FAT1: variants seen among roughly 807,000 people sequenced by gnomAD.
FAT1 encodes the protein FAT atypical cadherin 1, also known as protocadherin Fat 1.
FAT1 carries 171 observed loss-of-function variants against 329.8 expected under a neutral mutation model. The observed-to-expected ratio is 0.52, with a 90% CI of 0.46 to 0.59. The LOEUF (loss-of-function observed/expected upper bound fraction) is 0.59. Ranked by LOEUF, FAT1 falls within the 20% of genes least tolerant of loss-of-function variation. The pLI, the probability that FAT1 is intolerant of heterozygous loss-of-function variation, is 0.00. For synonymous variants in FAT1, 2,233 were observed against 2,228.6 expected (o/e 1.00, Z -0.06); for missense variants, 5,672 against 5,774.4 (o/e 0.98, Z 0.57).
At chr4:186,599,676 G>A (rs774022510) in intron 22 of FAT1, among the ~76,000 whole-genome samples, 2 of 152,222 alleles carry the variant, frequency 1.3e-5, no homozygotes, top group African/African-American at 2.4e-5. Context: ...CACTGCAGGC[G>A]CTCAGCAGTG....
At chr4:186,689,725 TAATTC>T (rs1743656602) in intron 2 of FAT1, among the ~76,000 whole-genome samples, 1 of 152,216 alleles carries the variant, frequency 6.6e-6, no homozygotes, top group South Asian at 2.1e-4. Context: ...CACACCAGGC[TAATTC>T]AACAGGCAGA....
At chr4:186,710,785 C>T (rs1449773972) in intron 1 of FAT1, among the ~76,000 whole-genome samples, 3 of 152,302 alleles carry the variant, frequency 2.0e-5, no homozygotes, top group African/African-American at 7.2e-5. Context: ...AGCTAACACA[C>T]GTCAAGGGTC....
intron 2 of FAT1, among the ~76,000 whole-genome samples, chr4:186,688,071 G>C (rs1743557871): frequency 6.7e-6 from 1 of 148,248 alleles, no homozygotes; most frequent in Admixed American, 6.7e-5. Context: ...TTTAATGAGG[G>C]GAGTTCGCTA....
chr4:186,667,940 C>T (rs1742532689), intron 2 of FAT1, among the ~76,000 whole-genome samples: 1 of 152,180 alleles, frequency 6.6e-6, no homozygotes, highest in South Asian at 2.1e-4. Flanking sequence ...TCAACAGCAA[C>T]ACTGTCGGAC....
At chr4:186,640,416 C>T (rs990682554) in intron 3 of FAT1, among the ~76,000 whole-genome samples, 5 of 152,212 alleles carry the variant, frequency 3.3e-5, no homozygotes, top group Admixed American at 3.3e-4. Flanking sequence ...ATGAAGTTAT[C>T]CAGGATTTCA....
chr4:186,692,699 C>T (rs1344720147), intron 2 of FAT1, among the ~76,000 whole-genome samples: 2 of 151,734 alleles, frequency 1.3e-5, no homozygotes, highest in Non-Finnish European at 1.5e-5. Context: ...CTCCTCATTT[C>T]GGTGTCTATT....
intron 3 of FAT1, among the ~76,000 whole-genome samples, chr4:186,642,283 C>G (rs1405203759): frequency 1.3e-5 from 2 of 152,106 alleles, no homozygotes; most frequent in Non-Finnish European, 2.9e-5. Flanking sequence ...GCTGCATTCT[C>G]CAAGTTCTAA....
At position 186,620,825 on chromosome 4, in the gene FAT1, C is replaced by T. The variant is rs374955281; in HGVS notation, c.5761G>A (p.Gly1921Ser). 1.2e-6 allele frequency: 2 copies of T among 1,613,906 alleles called. No homozygotes were observed. Among genetic ancestry groups the T allele is most frequent in the African/African-American group, 2.7e-5 (2 of 74,934 alleles). The stretch of plus-strand genomic sequence containing the variant: ...ATAGAAAACTTCTCCCCGATGTTGC[C>T]TTCGGTGATGGAGTAAATCAACTGT... ...FSQLIYSITEGNIGEKFSMDY... is the reference protein window; with the variant it reads ...FSQLIYSITESNIGEKFSMDY... Residue 1921 changes from glycine (G) to serine (S), a missense_variant, in exon 10 of 27, where the codon GGC becomes AGC. This residue lies in a region of FAT1 where 3,966 missense variants were observed against 3,915.2 expected (regional missense o/e 1.01). Transcript: ENST00000441802.
chr4:186,628,851 T>C (rs1406051443), intron 7 of FAT1, 88 bp from the exon 8 acceptor site: 4 of 1,304,066 alleles, frequency 3.1e-6, no homozygotes, highest in South Asian at 3.0e-5. Flanking sequence ...GTCATGTATA[T>C]TGAAACGATA....
At position 186,588,759 on chromosome 4, in the gene FAT1, TCTCGACAGCGGGCGC is replaced by T; in HGVS notation, c.13585_13599del (p.Ala4529_Glu4533del). ...GAGGCGTACACAGACATGGGCATGC[TCTCGACAGCGGGCGC>T]CTCGAAGTGTCTTTGATACCCTGGC... On this transcript the variant is annotated inframe_deletion, in exon 27 of 27. Transcript: ENST00000441802. The T allele has an allele frequency of 6.2e-7, 1 of 1,613,932 alleles. No individual in the cohort carries two copies. The highest frequency in any genetic ancestry group is 8.5e-7 in the Non-Finnish European group (1 of 1,179,886).
Position 186,628,214 on chromosome 4 carries a change from C to G in FAT1, c.4750G>C (p.Val1584Leu), listed in dbSNP as rs1369915407. ...CCTTTGTCCTTGTCCAGAGCCGTCA[C>G]CTGCAACACAACTGAGCCAACGGCT... ...SAAVGSVVLQ[V>L]TALDKDKGKN... Residue 1584 changes from valine to leucine, a missense_variant, in exon 9 of 27, where the codon GTG (valine) becomes CTG (leucine). This residue lies in a region of FAT1 where 3,966 missense variants were observed against 3,915.2 expected (regional missense o/e 1.01). Transcript: ENST00000441802. The G allele has an allele frequency of 6.2e-7, 1 of 1,613,966 alleles. No homozygotes were observed. The highest frequency in any genetic ancestry group is 8.5e-7 in the Non-Finnish European group (1 of 1,179,884).
chr4:186,618,208 A>G lies in FAT1; in HGVS notation c.8378T>C (p.Val2793Ala), dbSNP rs2126492405. The G allele has an allele frequency of 6.2e-7, 1 of 1,614,024 alleles. No homozygotes were observed. The highest frequency in any genetic ancestry group is 1.1e-5 in the South Asian group (1 of 91,080). ...TQDDHEMVASVDVSIQVKDAN... is the reference protein window; with the variant it reads ...TQDDHEMVASADVSIQVKDAN... ...ATCTTTCACTTGGATACTAACATCT[A>G]CAGAAGCCACCATCTCATGGTCATC... The change falls in exon 10 of 27, where the codon GTA (valine) becomes GCA (alanine). Residue 2793 changes from valine (V) to alanine (A), a missense_variant. By Grantham distance (64) the Val-to-Ala change is moderately conservative. Transcript: ENST00000441802.
chr4:186,646,198 T>C (rs10010232), intron 3 of FAT1, among the ~76,000 whole-genome samples: 52,304 of 151,712 alleles, frequency 0.34, 9,412 homozygotes, highest in Middle Eastern at 0.43. Flanking sequence ...GGAAATTTAC[T>C]TGGAACACTT....
intron 11 of FAT1, among the ~76,000 whole-genome samples, chr4:186,616,195 G>A (rs967569628): frequency 4.6e-5 from 7 of 151,956 alleles, no homozygotes; most frequent in Non-Finnish European, 5.9e-5. Flanking sequence ...TTAAGAACTC[G>A]TCTCATGTCA....
In FAT1 at chr4:186,618,874, T is replaced by A. The variant is rs773786270; in HGVS notation, c.7712A>T (p.Lys2571Met). ...EKVISVRLMA[K>M]DAGGKVAFCT... ...GAAAGCAACTTTTCCTCCAGCATCC[T>A]TAGCCATTAAACGGACTGAGATCAC... Residue 2571 changes from lysine (K) to methionine (M), a missense_variant, in exon 10 of 27, where the codon AAG becomes ATG. This residue lies in a region of FAT1 where 3,966 missense variants were observed against 3,915.2 expected (regional missense o/e 1.01). Transcript: ENST00000441802. 11 of 1,614,048 alleles carry A rather than the reference T, an allele frequency of 6.8e-6. No homozygotes were observed. In the South Asian group the frequency reaches 1.2e-4, roughly 18 times the overall value.
Position 186,588,122 on chromosome 4 carries a change from G to T in FAT1, c.*470C>A, listed in dbSNP as rs549082087. On this transcript the variant is annotated 3_prime_UTR_variant, in exon 27 of 27. Transcript: ENST00000441802. ...TGGAAAAAGACAGAATGAAACCCTG[G>T]TTATAGTAAAAAAAAAAAAATCAGG... The T allele has an allele frequency of 3.7e-5, 7 of 188,562 alleles. No homozygotes were observed. In the South Asian group the frequency reaches 1.1e-3, roughly 30 times the overall value. The allele number at this position is 188,562 out of a possible 1,614,324, so 11.7% of individuals were successfully genotyped here. A position where few individuals can be genotyped will look rare whatever the true frequency, so the allele number is the denominator to read the frequency against.
chr4:186,607,760 T>C (rs982937624), intron 16 of FAT1, among the ~76,000 whole-genome samples: 3 of 151,862 alleles, frequency 2.0e-5, no homozygotes, highest in East Asian at 3.9e-4. Context: ...GATAACTGGA[T>C]GGATGAATGG....
In FAT1 at chr4:186,613,324, G is replaced by T. The variant is rs984673223; in HGVS notation, c.9248C>A (p.Thr3083Asn). Reference sequence around the variant, plus strand: ...AGCTTGCTCCTCACGATCAAGGGGGGTTGACGTTTTCAGTTCACCTACAAA... The same window carrying T: ...AGCTTGCTCCTCACGATCAAGGGGGTTTGACGTTTTCAGTTCACCTACAAA... ...NPDTGELKTS[T>N]PLDREEQAVY... The change falls in exon 13 of 27, where the codon ACC becomes AAC. Residue 3083 changes from threonine (T) to asparagine (N), a missense_variant. Around this residue, in one of 2 missense-constraint regions of FAT1, gnomAD observed 3,966 missense variants for 3,915.2 expected, o/e 1.01. Coordinates refer to ENST00000441802, the MANE Select transcript of FAT1 (RefSeq NM_005245.4). 6.2e-7 allele frequency: 1 copy of T among 1,613,936 alleles called. No homozygotes were observed. Among genetic ancestry groups the T allele is most frequent in the Non-Finnish European group, 8.5e-7 (1 of 1,179,816 alleles).
Position 186,597,990 on chromosome 4 carries a change from C to A in FAT1, c.12239G>T (p.Gly4080Val), listed in dbSNP as rs761400229. Residue 4080 changes from glycine (G) to valine (V), a missense_variant, in exon 23 of 27, where the codon GGA becomes GTA. This residue lies in a region of FAT1 where 1,706 missense variants were observed against 1,859.1 expected (regional missense o/e 0.92). Coordinates refer to ENST00000441802, the MANE Select transcript of FAT1 (RefSeq NM_005245.4). ...DNGGFVCQCRGLYTGQRCQLS... is the reference protein window; with the variant it reads ...DNGGFVCQCRVLYTGQRCQLS... ...CACATACCTCTGACCAGTATATAAT[C>A]CTCTACACTGGCAAACAAAGCCTCC... The A allele has an allele frequency of 2.0e-5, 33 of 1,612,522 alleles. No individual in the cohort carries two copies. The highest frequency in any genetic ancestry group is 2.7e-5 in the Non-Finnish European group (32 of 1,179,532).
Sources: allele counts gnomAD v4.1 joint callset (sites outside exome capture counted in the v4.1 genomes callset), GRCh38; gene constraint gnomAD v4.1.1; regional missense constraint gnomAD v4.1.1; transcripts MANE v1.5; gene names NCBI Gene and HGNC (gene_info 2026-07-23, HGNC 2026-07-21).